MTSS2: variants seen among roughly 807,000 people sequenced by gnomAD.
MTSS2 encodes protein MTSS 2.
Under a neutral mutation model 67.1 loss-of-function variants are expected in MTSS2, and 27 were observed. That is an observed-to-expected ratio of 0.40 (90% confidence interval 0.30 to 0.55). MTSS2 has a LOEUF of 0.55. Ranked by LOEUF, MTSS2 falls within the 20% of genes least tolerant of loss-of-function variation. The probability of loss-of-function intolerance (pLI) is 0.43; values close to 1 mark genes in which losing one functional copy is unlikely to be tolerated. For missense variants in MTSS2, 1,171 were observed against 1,067.8 expected (o/e 1.10, Z -1.35); for synonymous variants, 624 against 468.6 (o/e 1.33, Z -4.28).
Position 70,664,161 on chromosome 16 carries a change from CGGATGG to C in MTSS2, c.1754_1759del (p.Pro585_Ile586del). On this transcript the variant is annotated inframe_deletion, in exon 15 of 15. Transcript: ENST00000338779. ...CGTCTTCACAGGGACGATGGGCGGCCGGATGGGGATGGGGCCAGCGCTGGACAGGGC... is the reference window on the plus strand; with the variant it reads ...CGTCTTCACAGGGACGATGGGCGGCCGGATGGGGCCAGCGCTGGACAGGGC... 10 of 1,606,868 alleles carry C rather than the reference CGGATGG, an allele frequency of 6.2e-6. No individual in the cohort carries two copies. Among genetic ancestry groups the C allele is most frequent in the Non-Finnish European group, 8.5e-6 (10 of 1,179,500 alleles).
chr16:70,664,712 G>A lies in MTSS2; in HGVS notation c.1357C>T (p.Arg453Trp), dbSNP rs771741941. ...AASDLAMVLT[R>W]GLSLEHQKSS... ...TTCTGGTGCTCCAGGCTCAGGCCCC[G>A]CGTCAGCACCATGGCCAGGTCACTG... is the stretch of plus-strand genomic sequence containing the variant. The change falls in exon 14 of 15, where the codon CGG becomes TGG. Residue 453 changes from arginine (R) to tryptophan (W), a missense_variant. Arg to Trp is a moderately radical substitution (Grantham distance 101, BLOSUM62 -3). This residue lies in a region of MTSS2 where 924 missense variants were observed against 756.0 expected (regional missense o/e 1.22). Transcript: ENST00000338779. 12 of 1,612,980 alleles carry A rather than the reference G, an allele frequency of 7.4e-6. No individual in the cohort carries two copies. The highest frequency in any genetic ancestry group is 2.2e-5 in the East Asian group (1 of 44,872).
chr16:70,664,827 C>A, intron 13 of MTSS2, 64 bp from the exon 14 acceptor site: 1 of 1,528,652 alleles, frequency 6.5e-7, no homozygotes, highest in South Asian at 1.2e-5. Context: ...AAATTCCAGG[C>A]AGCCCTGCCA....
At chr16:70,681,335 C>T (rs2053298917) in intron 1 of MTSS2, among the ~76,000 whole-genome samples, 1 of 152,250 alleles carries the variant, frequency 6.6e-6, no homozygotes, top group South Asian at 2.1e-4. Flanking sequence ...CAGGAAGTGG[C>T]AGGTCCTGTC....
At chr16:70,668,000 AGG>A (rs2052784060) in intron 11 of MTSS2, among the ~76,000 whole-genome samples, 1 of 146,194 alleles carries the variant, frequency 6.8e-6, no homozygotes. Flanking sequence ...TCCTTTTGGT[AGG>A]AACTGACAAG....
At chr16:70,668,110 T>C (rs893164413) in intron 11 of MTSS2, among the ~76,000 whole-genome samples, 2 of 151,572 alleles carry the variant, frequency 1.3e-5, no homozygotes, top group Non-Finnish European at 2.9e-5. Flanking sequence ...TGACCAGATA[T>C]CAAGATTTTC....
chr16:70,677,339 C>T (rs2053150998), intron 9 of MTSS2, among the ~76,000 whole-genome samples: 8 of 152,166 alleles, frequency 5.3e-5, no homozygotes, highest in Admixed American at 5.2e-4. Flanking sequence ...GCTGGGCATG[C>T]AACAAGTGCC....
intron 3 of MTSS2, 26 bp downstream of exon 3, chr16:70,680,768 C>G (rs1328028597): frequency 6.5e-7 from 1 of 1,549,560 alleles, no homozygotes; most frequent in South Asian, 1.2e-5. Context: ...GGGGCAACCC[C>G]AACCTCCAGC....
chr16:70,685,792 G>A lies in MTSS2; in HGVS notation c.-1C>T, dbSNP rs537960209. On this transcript the variant is annotated 5_prime_UTR_variant, in exon 1 of 15. Coordinates refer to ENST00000338779, the MANE Select transcript of MTSS2 (RefSeq NM_138383.3). ...CGCACTCCTTCTCCGCCGTCTCCAT[G>A]CTCTGGCTGGGCCGGGCCGCGGCGG... 7.0e-4 allele frequency: 955 copies of A among 1,357,674 alleles called. 9 individuals carry two copies. In the Middle Eastern group the frequency reaches 8.5e-3, roughly 12 times the overall value. The allele number at this position is 1,357,674 out of a possible 1,614,324, so 84.1% of individuals were successfully genotyped here. A position where few individuals can be genotyped will look rare whatever the true frequency, so the allele number is the denominator to read the frequency against.
intron 3 of MTSS2, 24 bp from the exon 4 acceptor site, chr16:70,680,079 G>C: frequency 6.8e-7 from 1 of 1,471,226 alleles, no homozygotes; most frequent in Non-Finnish European, 9.0e-7. Flanking sequence ...CGCGGGGTGG[G>C]AAGGGGCCCG....
At chr16:70,669,841 GT>G (rs1190013503) in intron 11 of MTSS2, among the ~76,000 whole-genome samples, 1 of 147,194 alleles carries the variant, frequency 6.8e-6, no homozygotes, top group East Asian at 2.0e-4. Context: ...ATGAAAAGGT[GT>G]TCAATCTCAT....
At chr16:70,681,666 G>C (rs1481327893) in intron 1 of MTSS2, among the ~76,000 whole-genome samples, 1 of 152,254 alleles carries the variant, frequency 6.6e-6, no homozygotes, top group Non-Finnish European at 1.5e-5. Flanking sequence ...GCCTTGTGCG[G>C]CCAACAGAGC....
At position 70,680,046 on chromosome 16, in the gene MTSS2, C is replaced by T; in HGVS notation, c.215G>A (p.Arg72Lys). The T allele has an allele frequency of 6.5e-7, 1 of 1,526,946 alleles. No homozygotes were observed. The highest frequency in any genetic ancestry group is 8.7e-7 in the Non-Finnish European group (1 of 1,145,364). The allele number at this position is 1,526,946 out of a possible 1,614,324, so 94.6% of individuals were successfully genotyped here. The change falls in exon 4 of 15, where the codon AGG (arginine) becomes AAG (lysine). Residue 72 changes from arginine to lysine, a missense_variant. Physicochemically the swap from Arg to Lys is conservative, Grantham distance 26. Coordinates refer to ENST00000338779, the MANE Select transcript of MTSS2 (RefSeq NM_138383.3). The part of the protein sequence containing the change: ...DMATNTRGAT[R>K]DIGSALTRMC... Reference sequence around the variant, plus strand: ...GCGTGTGAGCGCCGAGCCGATGTCCCTCGTGGCCCCTGGCGAGGCAAGCGC... The same window carrying T: ...GCGTGTGAGCGCCGAGCCGATGTCCTTCGTGGCCCCTGGCGAGGCAAGCGC...
chr16:70,681,809 CA>C (rs1329193625), intron 1 of MTSS2, among the ~76,000 whole-genome samples: 2 of 152,258 alleles, frequency 1.3e-5, no homozygotes, highest in Non-Finnish European at 2.9e-5. Context: ...CCGAGTTGTC[CA>C]ATCTGATTTT....
chr16:70,665,158 C>T, intron 12 of MTSS2, 62 bp from the exon 13 acceptor site: 1 of 1,518,952 alleles, frequency 6.6e-7, no homozygotes, highest in Non-Finnish European at 8.8e-7. Context: ...GCCCGGGGGC[C>T]CGTCACTGTG....
At chr16:70,678,617 C>T (rs896377034) in intron 7 of MTSS2, among the ~76,000 whole-genome samples, 1 of 152,226 alleles carries the variant, frequency 6.6e-6, no homozygotes, top group Admixed American at 6.5e-5. Flanking sequence ...GACACACACA[C>T]AAGAAAGAGG....
chr16:70,665,300 G>C (rs1380697455), intron 12 of MTSS2, 166 bp downstream of exon 12: 1 of 923,720 alleles, frequency 1.1e-6, no homozygotes, highest in Non-Finnish European at 1.6e-6. Flanking sequence ...TGTGTGGGCA[G>C]TGACTGTAGG....
At chr16:70,664,482 C>T (rs199922369) in intron 14 of MTSS2, 33 bp from the exon 15 acceptor site, 51 of 1,540,864 alleles carry the variant, frequency 3.3e-5, no homozygotes, top group Admixed American at 5.7e-5. Flanking sequence ...GGCCCAGGGC[C>T]CAGGTGGCCC....
intron 11 of MTSS2, among the ~76,000 whole-genome samples, chr16:70,667,979 T>TG (rs1372935030): frequency 1.3e-5 from 2 of 151,604 alleles, no homozygotes; most frequent in Admixed American, 1.3e-4. Flanking sequence ...CCCAGGAGTT[T>TG]TTTTTTTTTT....
Position 70,661,679 on chromosome 16 carries a change from A to AGTAT in MTSS2, c.*1994_*1997dup, listed in dbSNP as rs2052477546. On this transcript the variant is annotated 3_prime_UTR_variant, in exon 15 of 15. Transcript: ENST00000338779. ...AGGGATGGACAAGGGGATGGAGTAG[A>AGTAT]GTATGTACAGCCCCCGGGGCTCACA... 1.6e-5 allele frequency: 5 copies of AGTAT among 304,592 alleles called. No individual in the cohort carries two copies. The highest frequency in any genetic ancestry group is 2.8e-5 in the South Asian group (1 of 35,394). 18.9% of individuals were successfully genotyped at this position (304,592 alleles called of 1,614,324 possible). A position where few individuals can be genotyped will look rare whatever the true frequency, so the allele number is the denominator to read the frequency against.
Sources: gnomAD v4.1 joint callset for allele counts (sites outside exome capture counted in the v4.1 genomes callset) on GRCh38, gnomAD v4.1.1 for gene constraint, gnomAD v4.1.1 regional missense constraint, MANE v1.5 for transcripts, NCBI Gene and HGNC (gene_info 2026-07-23, HGNC 2026-07-21) for gene names.